The following XKR4 variants were observed in gnomAD, a reference collection of about 807,000 sequenced individuals.
XKR4 encodes the protein XK related 4.
Under a neutral mutation model 53.9 loss-of-function variants are expected in XKR4, and 12 were observed. The observed-to-expected ratio is 0.22, with a 90% CI of 0.14 to 0.36. XKR4 has a LOEUF of 0.36. XKR4 is among the 10% of genes least tolerant of loss of function. XKR4 has a pLI of 1.00. For missense variants in XKR4, 799 were observed against 859.5 expected, an observed-to-expected ratio of 0.93 and a Z score of 0.88; for synonymous variants, 354 against 362.4, an observed-to-expected ratio of 0.98 and a Z score of 0.26.
intron 1 of XKR4, among the ~76,000 whole-genome samples, chr8:55,345,160 A>C (rs1215187581): frequency 6.6e-6 from 1 of 151,940 alleles, no homozygotes; most frequent in African/African-American, 2.4e-5. Flanking sequence ...TGCACACCAC[A>C]CCTACTTGGT....
At chr8:55,365,286 G>A (rs1429992454) in intron 2 of XKR4, among the ~76,000 whole-genome samples, 1 of 152,248 alleles carries the variant, frequency 6.6e-6, no homozygotes, top group Non-Finnish European at 1.5e-5. Context: ...CAGTCTTCCA[G>A]TGGGTCCAAA....
chr8:55,129,143 G>A (rs1816518920), intron 1 of XKR4, among the ~76,000 whole-genome samples: 1 of 152,210 alleles, frequency 6.6e-6, no homozygotes, highest in Admixed American at 6.5e-5. Context: ...ACGAACATCT[G>A]TTGAGTTTTG....
At chr8:55,476,828 G>A (rs1160180778) in intron 2 of XKR4, among the ~76,000 whole-genome samples, 1 of 152,102 alleles carries the variant, frequency 6.6e-6, no homozygotes, top group African/African-American at 2.4e-5. Flanking sequence ...ACTGCAAGAT[G>A]GTAGCGAGGC....
chr8:55,360,405 G>C (rs1803884297), intron 2 of XKR4, among the ~76,000 whole-genome samples: 1 of 152,124 alleles, frequency 6.6e-6, no homozygotes, highest in Non-Finnish European at 1.5e-5. Flanking sequence ...ATTGATGTGA[G>C]TTCTAAGAAC....
At chr8:55,523,013 G>A (rs1036550007) in intron 2 of XKR4, among the ~76,000 whole-genome samples, 2 of 152,076 alleles carry the variant, frequency 1.3e-5, no homozygotes, top group African/African-American at 2.4e-5. Context: ...ATGGTAGTGG[G>A]CGCCTGTAGT....
At chr8:55,464,638 C>A (rs1231393276) in intron 2 of XKR4, among the ~76,000 whole-genome samples, 1 of 152,016 alleles carries the variant, frequency 6.6e-6, no homozygotes, top group Non-Finnish European at 1.5e-5. Context: ...CAGGCCAGGG[C>A]AATCAGGCAG....
chr8:55,453,490 C>A, intron 2 of XKR4: 1 of 394,170 alleles, frequency 2.5e-6, no homozygotes, highest in East Asian at 6.8e-5. Flanking sequence ...TGCCCACGAC[C>A]TCCAGCTGCC....
chr8:55,207,778 G>C (rs550276028), intron 1 of XKR4, among the ~76,000 whole-genome samples: 1 of 121,526 alleles, frequency 8.2e-6, no homozygotes, highest in Admixed American at 8.3e-5. Context: ...GGGGGAGAGG[G>C]AGTGGGGAGG....
chr8:55,161,581 T>A (rs1216665158), intron 1 of XKR4: 1 of 456,328 alleles, frequency 2.2e-6, no homozygotes, highest in South Asian at 1.5e-5. Context: ...CTAGACAAGT[T>A]GTCTGCATTT....
chr8:55,493,692 T>G (rs1048636247), intron 2 of XKR4, among the ~76,000 whole-genome samples: 4 of 152,272 alleles, frequency 2.6e-5, no homozygotes, highest in African/African-American at 9.6e-5. Context: ...TATTTTTATT[T>G]AATAAGCAGT....
intron 1 of XKR4, among the ~76,000 whole-genome samples, chr8:55,289,550 AAGGAAG>A (rs1818952510): frequency 1.2e-5 from 1 of 82,302 alleles, no homozygotes. Flanking sequence ...AGAAGGAAGG[AAGGAAG>A]GAAGGAAGGA....
In XKR4 at chr8:55,528,874, A is replaced by G. The variant is rs1806913310; in HGVS notation, c.*4647A>G. 6.6e-6 allele frequency: 1 copy of G among 151,916 alleles called. No individual in the cohort carries two copies. The highest frequency in any genetic ancestry group is 6.6e-5 in the Admixed American group (1 of 15,232). 9.4% of individuals were successfully genotyped at this position (151,916 alleles called of 1,614,324 possible). On this transcript the variant is annotated 3_prime_UTR_variant, in exon 3 of 3. Transcript: ENST00000327381. ...GGCCAAGGATGGGCGATTCCGCTCT[A>G]TCCCCCATTTCTGAGACTCTTGTCT... is the stretch of plus-strand genomic sequence containing the variant.
intron 2 of XKR4, among the ~76,000 whole-genome samples, chr8:55,417,703 G>T (rs1025014088): frequency 6.6e-6 from 1 of 152,180 alleles, no homozygotes; most frequent in African/African-American, 2.4e-5. Context: ...CTTGTTTTTA[G>T]TTTCTGTTCA....
At chr8:55,216,066 G>A (rs966470293) in intron 1 of XKR4, among the ~76,000 whole-genome samples, 4 of 152,140 alleles carry the variant, frequency 2.6e-5, no homozygotes, top group African/African-American at 7.2e-5. Flanking sequence ...CCAGACAATT[G>A]TGGAAAAATC....
chr8:55,390,314 C>T (rs1804426905), intron 2 of XKR4, among the ~76,000 whole-genome samples: 1 of 152,146 alleles, frequency 6.6e-6, no homozygotes, highest in Non-Finnish European at 1.5e-5. Context: ...TTATGATTAG[C>T]AATGGAAAGC....
Position 55,534,363 on chromosome 8 carries a change from C to CGTTTTTTTTTTTT in XKR4, c.*10136_*10137insGTTTTTTTTTTTT, listed in dbSNP as rs1418801179. The CGTTTTTTTTTTTT allele has an allele frequency of 6.4e-5, 3 of 47,132 alleles. No individual in the cohort carries two copies. Among genetic ancestry groups the CGTTTTTTTTTTTT allele is most frequent in the Non-Finnish European group, 1.1e-4 (3 of 26,632 alleles). The allele number at this position is 47,132 out of a possible 1,614,324, so 2.9% of individuals were successfully genotyped here. A position where few individuals can be genotyped will look rare whatever the true frequency, so the allele number is the denominator to read the frequency against. Reference sequence around the variant, plus strand: ...GCTCAAAGATCACGAATCTGATATTCTTTTTTTTTTTTTTTTTTTTTTTTT... The same window carrying CGTTTTTTTTTTTT: ...GCTCAAAGATCACGAATCTGATATTCGTTTTTTTTTTTTTTTTTTTTTTTTTTTTTTTTTTTTT... On this transcript the variant is annotated 3_prime_UTR_variant, in exon 3 of 3. Transcript: ENST00000327381.
At chr8:55,363,841 A>G (rs1464848480) in intron 2 of XKR4, among the ~76,000 whole-genome samples, 1 of 152,168 alleles carries the variant, frequency 6.6e-6, no homozygotes, top group Non-Finnish European at 1.5e-5. Context: ...AGTTGCTATT[A>G]TCGTAGTTAA....
intron 1 of XKR4, among the ~76,000 whole-genome samples, chr8:55,183,351 A>G (rs1585924740): frequency 6.6e-6 from 1 of 151,668 alleles, no homozygotes; most frequent in Non-Finnish European, 1.5e-5. Context: ...TGAAAATGTA[A>G]TCATCAATGC....
intron 2 of XKR4, among the ~76,000 whole-genome samples, chr8:55,484,271 T>A (rs768804364): frequency 2.8e-4 from 42 of 152,180 alleles, no homozygotes; most frequent in Non-Finnish European, 5.4e-4. Context: ...TTAATAGTAA[T>A]CTACACAATC....
Sources: allele counts gnomAD v4.1 joint callset (sites outside exome capture counted in the v4.1 genomes callset), GRCh38; gene constraint gnomAD v4.1.1; transcripts MANE v1.5; gene names NCBI Gene and HGNC (gene_info 2026-07-23, HGNC 2026-07-21).